Variants in PLEKHG4B observed in about 807,000 individuals in gnomAD.
The protein encoded by PLEKHG4B is pleckstrin homology and RhoGEF domain containing G4B.
A neutral mutation model predicts 121.3 loss-of-function variants in PLEKHG4B; 111 were observed. The ratio of observed to expected loss-of-function variants is 0.92; its 90% CI spans 0.78 to 1.07. The LOEUF (loss-of-function observed/expected upper bound fraction) is 1.07. PLEKHG4B is among the 50% of genes least tolerant of loss of function. The probability of loss-of-function intolerance (pLI) is 0.00; values close to 1 mark genes in which losing one functional copy is unlikely to be tolerated. For missense variants in PLEKHG4B, 1,831 were observed against 1,757.8 expected, an observed-to-expected ratio of 1.04 and a Z score of -0.74; for synonymous variants, 738 against 725.0, an observed-to-expected ratio of 1.02 and a Z score of -0.29.
Position 113,363 on chromosome 5 carries a change from G to A in PLEKHG4B, c.158G>A (p.Cys53Tyr). Residue 53 changes from cysteine to tyrosine, a missense_variant, in exon 2 of 20, where the codon TGC becomes TAC. Transcript: ENST00000637938. The surrounding 1 kb of genome is among the most constrained non-coding windows in gnomAD (Gnocchi z 5.2). ...LWQLFSVAER[C>Y]HGGDGLHCLT... ...CAGCTGTTCAGCGTGGCCGAGAGGT[G>A]CCACGGTGGGGACGGGCTGCACTGC... 2 of 399,174 alleles carry A rather than the reference G, an allele frequency of 5.0e-6. No homozygotes were observed. The highest frequency in any genetic ancestry group is 4.4e-5 in the Admixed American group (1 of 22,742). 24.7% of individuals were successfully genotyped at this position (399,174 alleles called of 1,614,324 possible). A position where few individuals can be genotyped will look rare whatever the true frequency, so the allele number is the denominator to read the frequency against.
chr5:173,807 T>A (rs768859508), intron 17 of PLEKHG4B, 111 bp from the exon 18 acceptor site: 103 of 1,274,068 alleles, frequency 8.1e-5, no homozygotes, highest in Non-Finnish European at 1.1e-4. Context: ...TCCCACACAT[T>A]TGTCATTTGG....
chr5:177,614 A>C (rs1471781943), intron 18 of PLEKHG4B, among the ~76,000 whole-genome samples: 2 of 152,230 alleles, frequency 1.3e-5, no homozygotes, highest in African/African-American at 4.8e-5. Flanking sequence ...AAAGAGACCC[A>C]GGCAAGTTTC....
intron 14 of PLEKHG4B, 92 bp downstream of exon 14, chr5:169,684 G>T (rs1250142320): frequency 1.5e-5 from 23 of 1,541,444 alleles, no homozygotes; most frequent in Non-Finnish European, 2.0e-5. Flanking sequence ...GTGTCAGGCG[G>T]TTGGAATAGC....
At chr5:172,783 T>C in intron 16 of PLEKHG4B, 114 bp from the exon 17 acceptor site, 1 of 1,175,658 alleles carries the variant, frequency 8.5e-7, no homozygotes, top group South Asian at 1.3e-5. Context: ...TATGGCAGTT[T>C]GGCTGCTGTT....
At position 125,310 on chromosome 5, in the gene PLEKHG4B, TAA is replaced by T. The variant is rs369240995; in HGVS notation, c.243+11865_243+11866del. ...TCAGTGTTTAGTTGATTTTTTGTAG[TAA>T]AAGTCTTAAATTCTTTCCTTGTTTC... is the stretch of plus-strand genomic sequence containing the variant. On this transcript the variant is annotated intron_variant, in intron 2 of 19. Transcript: ENST00000637938. 2.4e-3 allele frequency among the ~76,000 whole-genome samples: 368 copies of T among 152,318 alleles called. 2 individuals are homozygous for T. The highest frequency in any genetic ancestry group is 8.5e-3 in the African/African-American group (354 of 41,570).
chr5:108,902 C>G (rs376982759), intron 1 of PLEKHG4B, among the ~76,000 whole-genome samples: 1 of 152,218 alleles, frequency 6.6e-6, no homozygotes, highest in African/African-American at 2.4e-5. Flanking sequence ...GAGATGGGCA[C>G]GGGTACCTGG....
intron 18 of PLEKHG4B, among the ~76,000 whole-genome samples, chr5:179,264 G>A (rs1736859438): frequency 6.6e-6 from 1 of 152,092 alleles, no homozygotes. Context: ...GGAGTAGTGT[G>A]TTTACATTTA....
chr5:105,958 A>G (rs1375115687), intron 1 of PLEKHG4B, among the ~76,000 whole-genome samples: 2 of 152,196 alleles, frequency 1.3e-5, no homozygotes, highest in East Asian at 1.9e-4. Flanking sequence ...GAAGGCAGCA[A>G]TTTCCCTAAT....
intron 12 of PLEKHG4B, 78 bp downstream of exon 12, chr5:162,022 C>G: frequency 5.4e-6 from 8 of 1,484,066 alleles, no homozygotes; most frequent in Non-Finnish European, 7.2e-6. Flanking sequence ...CCTCCCCTCA[C>G]AAGCTGGAGT....
At chr5:154,269 G>A (rs544731435) in intron 7 of PLEKHG4B, among the ~76,000 whole-genome samples, 23 of 152,344 alleles carry the variant, frequency 1.5e-4, no homozygotes, top group African/African-American at 5.5e-4. Flanking sequence ...CTCCCAAAGT[G>A]CTTGGATTAC....
chr5:98,878 C>T (rs1484530386), intron 1 of PLEKHG4B, among the ~76,000 whole-genome samples: 8 of 105,858 alleles, frequency 7.6e-5, no homozygotes, highest in Non-Finnish European at 1.4e-4. Context: ...TTTTGGGGAC[C>T]GGGTGTGGTG....
In PLEKHG4B at chr5:139,434, T is replaced by C. The variant is rs1735081872; in HGVS notation, c.244-49T>C. ...GTGGAGACCCAGGGCATGGAAGGGC[T>C]CAGGACATGGCCGTGCCCACCACTA... On this transcript the variant is annotated intron_variant, in intron 2 of 19. Transcript: ENST00000637938. This position sits in a 1 kb window ranked among gnomAD's most constrained non-coding sequence, Gnocchi z 5.0. The C allele has an allele frequency of 2.5e-6, 1 of 398,910 alleles. No individual in the cohort carries two copies. Among genetic ancestry groups the C allele is most frequent in the Middle Eastern group, 6.3e-4 (1 of 1,590 alleles). The allele number at this position is 398,910 out of a possible 1,614,324, so 24.7% of individuals were successfully genotyped here.
intron 1 of PLEKHG4B, among the ~76,000 whole-genome samples, chr5:109,395 T>G (rs1184097350): frequency 3.9e-5 from 3 of 77,324 alleles, no homozygotes; most frequent in East Asian, 6.1e-4. Context: ...AGACTCTGTC[T>G]CCAAAAAAAA....
At chr5:141,627 G>A (rs1317236624) in intron 3 of PLEKHG4B, among the ~76,000 whole-genome samples, 2 of 151,598 alleles carry the variant, frequency 1.3e-5, no homozygotes, top group East Asian at 3.9e-4. Flanking sequence ...CCAAGGGTTA[G>A]GAGAGAAAAT....
intron 1 of PLEKHG4B, among the ~76,000 whole-genome samples, chr5:103,733 C>T (rs940406407): frequency 5.3e-5 from 8 of 152,186 alleles, no homozygotes; most frequent in African/African-American, 1.9e-4. Context: ...TAATGATTCT[C>T]TTCTAGCTAT....
chr5:120,219 C>T (rs1352430333), intron 2 of PLEKHG4B, among the ~76,000 whole-genome samples: 1 of 152,166 alleles, frequency 6.6e-6, no homozygotes, highest in Non-Finnish European at 1.5e-5. Flanking sequence ...TACCACTGCA[C>T]TTGGCCTGGG....
At chr5:121,945 G>T (rs1734481841) in intron 2 of PLEKHG4B, among the ~76,000 whole-genome samples, 1 of 151,858 alleles carries the variant, frequency 6.6e-6, no homozygotes, top group African/African-American at 2.4e-5. Context: ...GTCTTTAAAA[G>T]ATTATTAACT....
At chr5:166,449 C>G (rs1338707923) in intron 13 of PLEKHG4B, among the ~76,000 whole-genome samples, 8 of 113,258 alleles carry the variant, frequency 7.1e-5, no homozygotes, top group Non-Finnish European at 9.5e-5. Context: ...CACTAATGCT[C>G]TGACGGGGCG....
At position 161,869 on chromosome 5, in the gene PLEKHG4B, CGCCGTGGTCAGCCAGGCTGAGT is replaced by C. The variant is rs1560940302; in HGVS notation, c.2577_2598del (p.Val860GlyfsTer18). 1 of 1,613,764 alleles carries C rather than the reference CGCCGTGGTCAGCCAGGCTGAGT, an allele frequency of 6.2e-7. No individual in the cohort carries two copies. The highest frequency in any genetic ancestry group is 8.5e-7 in the Non-Finnish European group (1 of 1,180,004). ...TCCAGGATTTCAGAAGGGGCCTGAGCGCCGTGGTCAGCCAGGCTGAGTGCAGGGAGGGAGAGCTGGCCAGGTG... is the reference window on the plus strand; with the variant it reads ...TCCAGGATTTCAGAAGGGGCCTGAGCGCAGGGAGGGAGAGCTGGCCAGGTG... On this transcript the variant is annotated frameshift_variant, in exon 12 of 20. Coordinates refer to ENST00000637938, the MANE Select transcript of PLEKHG4B (RefSeq NM_052909.5). LOFTEE classifies it high-confidence loss of function.
Sources: allele counts gnomAD v4.1 joint callset (sites outside exome capture counted in the v4.1 genomes callset), GRCh38; gene constraint gnomAD v4.1.1; non-coding constraint Gnocchi (gnomAD v3.1); transcripts MANE v1.5; gene names NCBI Gene and HGNC (gene_info 2026-07-23, HGNC 2026-07-21).